The following PTER variants were observed in gnomAD, a reference collection of about 807,000 sequenced individuals.
PTER encodes phosphotriesterase related, also known as N-acetyltaurine hydrolase.
Under a neutral mutation model 29.6 loss-of-function variants are expected in PTER, and 38 were observed. That is an observed-to-expected ratio of 1.28 (90% confidence interval 0.99 to 1.68). PTER has a LOEUF of 1.68. PTER is among the 40% of genes most tolerant of loss of function. The pLI is 0.00. For synonymous variants in PTER, 172 were observed against 154.5 expected, an observed-to-expected ratio of 1.11 and a Z score of -0.84; for missense variants, 482 against 427.8, an observed-to-expected ratio of 1.13 and a Z score of -1.12.
At chr10:16,466,872 G>A (rs567454788) in intron 1 of PTER, among the ~76,000 whole-genome samples, 2 of 152,150 alleles carry the variant, frequency 1.3e-5, no homozygotes, top group Admixed American at 6.5e-5. Context: ...AATTCCTGAG[G>A]ATGGTCTATA....
intron 4 of PTER, among the ~76,000 whole-genome samples, chr10:16,507,015 G>A (rs1836598831): frequency 6.6e-6 from 1 of 151,622 alleles, no homozygotes; most frequent in African/African-American, 2.4e-5. Context: ...GCAGAAAATG[G>A]GAACAGTTCA....
In PTER at chr10:16,511,224, G is replaced by C. The variant is rs747947303; in HGVS notation, c.1018G>C (p.Glu340Gln). The change falls in exon 5 of 5, where the codon GAG becomes CAG. Residue 340 changes from glutamate to glutamine, a missense_variant. By Grantham distance (29) the Glu-to-Gln change is conservative (BLOSUM62 2). Transcript: ENST00000535784. ...GAATGTGCTTGATAAGATTCTAATA[G>C]AGAACCCTAAGCAATGGCTAACTTT... Reference protein sequence around the residue: ...TENVLDKILIENPKQWLTFK With the variant: ...TENVLDKILIQNPKQWLTFK The C allele has an allele frequency of 1.2e-6, 2 of 1,614,048 alleles. No homozygotes were observed. The highest frequency in any genetic ancestry group is 1.7e-6 in the Non-Finnish European group (2 of 1,179,948).
rs571921090 is a variant in PTER, at chr10:16,464,340, G to C, written c.-48-19997G>C. 1.3e-5 allele frequency among the ~76,000 whole-genome samples: 2 copies of C among 152,120 alleles called. 1 individual carries two copies. Among genetic ancestry groups the C allele is most frequent in the Admixed American group, 1.3e-4 (2 of 15,262 alleles). On this transcript the variant is annotated intron_variant, in intron 1 of 4. Transcript: ENST00000535784. The stretch of plus-strand genomic sequence containing the variant: ...TTTTTTCCTGTCAATAAACACAATC[G>C]AGAGATCAGTTAAGTATTCAGGTCA...
intron 1 of PTER, among the ~76,000 whole-genome samples, chr10:16,452,226 T>C (rs375817221): frequency 2.7e-5 from 2 of 73,024 alleles, no homozygotes; most frequent in Non-Finnish European, 5.5e-5. Flanking sequence ...CACACATATA[T>C]ATACATATAC....
At chr10:16,467,888 T>G (rs1217797180) in intron 1 of PTER, among the ~76,000 whole-genome samples, 2 of 152,202 alleles carry the variant, frequency 1.3e-5, no homozygotes, top group Non-Finnish European at 2.9e-5. Context: ...AAAGCAAACC[T>G]GGCTTCAAAA....
downstream of PTER, among the ~76,000 whole-genome samples, chr10:16,515,059 A>AT (rs1301981482): frequency 2.0e-5 from 3 of 152,032 alleles, no homozygotes; most frequent in Admixed American, 2.0e-4. Flanking sequence ...AACTAATAGT[A>AT]TTTTTTGCAT....
chr10:16,484,590 A>C lies in PTER; in HGVS notation c.206A>C (p.Glu69Ala). Reference protein sequence around the residue: ...WIQKNAYSHKENLQLNQETEA... With the variant: ...WIQKNAYSHKANLQLNQETEA... ...CAGAAAAACGCCTATTCCCATAAAG[A>C]AAACCTTCAATTAAATCAGGAGACA... Residue 69 changes from glutamate (E) to alanine (A), a missense_variant, in exon 2 of 5, where the codon GAA becomes GCA. By Grantham distance (107) the Glu-to-Ala change is moderately radical (BLOSUM62 -1). Coordinates refer to ENST00000535784, the MANE Select transcript of PTER (RefSeq NM_001261836.2). 1 of 1,614,138 alleles carries C rather than the reference A, an allele frequency of 6.2e-7. No homozygotes were observed. Among genetic ancestry groups the C allele is most frequent in the Non-Finnish European group, 8.5e-7 (1 of 1,180,012 alleles).
intron 4 of PTER, among the ~76,000 whole-genome samples, chr10:16,510,121 A>T (rs1054116722): frequency 6.6e-6 from 1 of 152,200 alleles, no homozygotes; most frequent in African/African-American, 2.4e-5. Context: ...AGAGAATCCC[A>T]TAGAAGAGCC....
intron 3 of PTER, 96 bp downstream of exon 3, chr10:16,486,713 C>A: frequency 7.4e-7 from 1 of 1,347,328 alleles, no homozygotes; most frequent in Non-Finnish European, 1.0e-6. Context: ...CAATACTAAT[C>A]ACGCAGAGAA....
intron 1 of PTER, among the ~76,000 whole-genome samples, chr10:16,453,649 A>G (rs1046292579): frequency 6.6e-6 from 1 of 152,360 alleles, no homozygotes; most frequent in Non-Finnish European, 1.5e-5. Context: ...ATAGTAAAGT[A>G]AATACTGGAA....
chr10:16,453,005 C>A (rs1241521396), intron 1 of PTER, among the ~76,000 whole-genome samples: 4 of 152,196 alleles, frequency 2.6e-5, no homozygotes, highest in African/African-American at 9.6e-5. Context: ...CTGCCTCAGC[C>A]TCCCAAATTA....
At chr10:16,492,828 G>T (rs1440367230) in intron 3 of PTER, among the ~76,000 whole-genome samples, 1 of 152,238 alleles carries the variant, frequency 6.6e-6, no homozygotes, top group Non-Finnish European at 1.5e-5. Context: ...CCTAGCTGAG[G>T]AAGGTAGAGG....
intron 2 of PTER, 44 bp from the exon 3 acceptor site, chr10:16,486,308 A>C: frequency 1.3e-6 from 2 of 1,533,042 alleles, no homozygotes; most frequent in Non-Finnish European, 1.8e-6. Context: ...TATTTTGATA[A>C]ATTTCACAAC....
At chr10:16,457,790 A>G (rs1834466606) in intron 1 of PTER, among the ~76,000 whole-genome samples, 1 of 151,096 alleles carries the variant, frequency 6.6e-6, no homozygotes, top group African/African-American at 2.4e-5. Flanking sequence ...TTGTATTTTT[A>G]GTAGAGACGG....
chr10:16,516,245 A>G (rs1383965636), downstream of PTER, among the ~76,000 whole-genome samples: 1 of 152,170 alleles, frequency 6.6e-6, no homozygotes, highest in Non-Finnish European at 1.5e-5. Context: ...ACTCCAATAT[A>G]TATGCCAATT....
At chr10:16,485,550 A>G (rs1835662655) in intron 2 of PTER, among the ~76,000 whole-genome samples, 1 of 152,180 alleles carries the variant, frequency 6.6e-6, no homozygotes, top group Non-Finnish European at 1.5e-5. Context: ...ATTCTTTGCA[A>G]AAGATCACTT....
At chr10:16,458,896 C>A (rs1834506310) in intron 1 of PTER, among the ~76,000 whole-genome samples, 1 of 152,150 alleles carries the variant, frequency 6.6e-6, no homozygotes, top group Non-Finnish European at 1.5e-5. Flanking sequence ...CATAAAGCAC[C>A]TTACCTCCCT....
At position 16,486,617 on chromosome 10, in the gene PTER, G is replaced by T. The variant is rs1038746860; in HGVS notation, c.698G>T (p.Arg233Met). 1.9e-6 allele frequency: 3 copies of T among 1,605,228 alleles called. No homozygotes were observed. The highest frequency in any genetic ancestry group is 2.2e-5 in the South Asian group (2 of 90,154). ...ISKTVMSHLD[R>M]TILDKKELLE... ...AAAACAGTCATGTCACACCTGGATA[G>T]GTAAGTAGGCTGTCTTACAAATGGA... The change falls in exon 3 of 5, where the codon AGG (arginine) becomes ATG (methionine). Residue 233 changes from arginine (R) to methionine (M), a missense_variant and splice_region_variant. Physicochemically the swap from Arg to Met is moderately conservative, Grantham distance 91 (BLOSUM62 -1). Transcript: ENST00000535784.
At chr10:16,504,801 G>A (rs754206923) in intron 3 of PTER, among the ~76,000 whole-genome samples, 4 of 152,172 alleles carry the variant, frequency 2.6e-5, no homozygotes, top group Non-Finnish European at 5.9e-5. Flanking sequence ...GTACTTTAGA[G>A]GGGAAAACTC....
Sources: allele counts gnomAD v4.1 joint callset (sites outside exome capture counted in the v4.1 genomes callset), GRCh38; gene constraint gnomAD v4.1.1; transcripts MANE v1.5; gene names NCBI Gene and HGNC (gene_info 2026-07-23, HGNC 2026-07-21).